The following MTRF1 variants were observed in gnomAD, a reference collection of about 807,000 sequenced individuals.
MTRF1 encodes peptide chain release factor 1, mitochondrial.
Under a neutral mutation model 62.9 loss-of-function variants are expected in MTRF1, and 51 were observed. The observed-to-expected ratio is 0.81, with a 90% CI of 0.65 to 1.02. MTRF1 has a LOEUF of 1.02. MTRF1 is among the 50% of genes least tolerant of loss of function. The pLI, the probability that MTRF1 is intolerant of heterozygous loss-of-function variation, is 0.00. For synonymous variants in MTRF1, 158 were observed against 181.9 expected, an observed-to-expected ratio of 0.87 and a Z score of 1.06; for missense variants, 446 against 530.0, an observed-to-expected ratio of 0.84 and a Z score of 1.56.
At position 41,240,202 on chromosome 13, in the gene MTRF1, C is replaced by T; in HGVS notation, c.870+59G>A. The stretch of plus-strand genomic sequence containing the variant: ...GGACAGATTTTCCTAGAAGCTAAGG[C>T]TTCCAGCACAATACCCGTTGACATG... On this transcript the variant is annotated intron_variant, in intron 6 of 9. Coordinates refer to ENST00000379480, the MANE Select transcript of MTRF1 (RefSeq NM_004294.4). 3.4e-6 allele frequency: 5 copies of T among 1,458,268 alleles called. No homozygotes were observed. In the South Asian group the frequency reaches 7.0e-5, roughly 21 times the overall value. 90.3% of individuals were successfully genotyped at this position (1,458,268 alleles called of 1,614,324 possible). A position where few individuals can be genotyped will look rare whatever the true frequency, so the allele number is the denominator to read the frequency against.
the MTRF1 span, among the ~76,000 whole-genome samples, chr13:41,284,989 G>T: frequency 2.0e-5 from 3 of 152,266 alleles, no homozygotes; most frequent in Admixed American, 2.0e-4. Context: ...CCTTGAGGAG[G>T]TATTATGATT....
upstream of MTRF1, among the ~76,000 whole-genome samples, chr13:41,265,172 T>C (rs1481850695): frequency 6.6e-6 from 1 of 152,156 alleles, no homozygotes. Flanking sequence ...CCTGTAATCC[T>C]AGCACTTTGG....
chr13:41,226,602 A>G (rs1230265693), intron 7 of MTRF1, 34 bp from the exon 8 acceptor site: 1 of 1,609,356 alleles, frequency 6.2e-7, no homozygotes, highest in East Asian at 2.2e-5. Context: ...GGTAAACTGT[A>G]GCTTCCACCA....
At chr13:41,280,382 A>G in the MTRF1 span, among the ~76,000 whole-genome samples, 8 of 152,118 alleles carry the variant, frequency 5.3e-5, no homozygotes, top group Non-Finnish European at 1.2e-4. Flanking sequence ...TCTGAACCAA[A>G]CCAGTGTATT....
chr13:41,285,613 A>G, the MTRF1 span, among the ~76,000 whole-genome samples: 1 of 152,214 alleles, frequency 6.6e-6, no homozygotes, highest in Non-Finnish European at 1.5e-5. Flanking sequence ...TAGGAGGTAC[A>G]AAGACTCTTT....
the MTRF1 span, among the ~76,000 whole-genome samples, chr13:41,278,775 A>G: frequency 8.5e-5 from 13 of 152,174 alleles, no homozygotes; most frequent in African/African-American, 2.7e-4. Context: ...ATATAGCTAC[A>G]TTGACTCTTA....
chr13:41,261,206 C>T (rs552947453), intron 1 of MTRF1: 6 of 218,276 alleles, frequency 2.7e-5, no homozygotes, highest in South Asian at 2.5e-4. Flanking sequence ...TGGTGGCAGG[C>T]GCCTGTAATC....
Position 41,252,984 on chromosome 13 carries a change from A to C in MTRF1, c.554T>G (p.Val185Gly), listed in dbSNP as rs1230411340. 6.2e-7 allele frequency: 1 copy of C among 1,608,208 alleles called. No individual in the cohort carries two copies. The highest frequency in any genetic ancestry group is 8.5e-7 in the Non-Finnish European group (1 of 1,178,060). Residue 185 changes from valine (V) to glycine (G), a missense_variant, in exon 4 of 10, where the codon GTT (valine) becomes GGT (glycine). Val to Gly is a moderately radical substitution (Grantham distance 109). Transcript: ENST00000379480. ...CCTTCCAGCTGTCACCTCTAAAATA[A>C]CATCATTTTTGTCATATTTCTCCTT... ...VPKEKYDKND[V>G]ILEVTAGRTT... is the part of the protein sequence containing the mutation.
the MTRF1 span, among the ~76,000 whole-genome samples, chr13:41,278,878 A>T: frequency 6.6e-6 from 1 of 152,196 alleles, no homozygotes; most frequent in African/African-American, 2.4e-5. Context: ...AGCCTGAAAG[A>T]CTAGTTTCAG....
chr13:41,311,484 G>T, the MTRF1 span: 1 of 1,560,196 alleles, frequency 6.4e-7, no homozygotes, highest in South Asian at 1.2e-5. Flanking sequence ...GAGCGCCCGG[G>T]CACCTAGCCT....
At chr13:41,310,942 TAAAAG>T in the MTRF1 span, among the ~76,000 whole-genome samples, 10 of 152,336 alleles carry the variant, frequency 6.6e-5, no homozygotes, top group Admixed American at 4.6e-4. Context: ...CTTTTCTACT[TAAAAG>T]AAAATTCTCG....
chr13:41,263,606 T>A, upstream of MTRF1: 1 of 189,834 alleles, frequency 5.3e-6, no homozygotes, highest in East Asian at 1.5e-4. Flanking sequence ...TCTTCCGGGT[T>A]AACGCACGCT....
chr13:41,217,277 C>A, intron 9 of MTRF1, 49 bp from the exon 10 acceptor site: 2 of 1,057,204 alleles, frequency 1.9e-6, no homozygotes, highest in South Asian at 1.5e-5. Flanking sequence ...GAAATATAAG[C>A]AAAGACTTTA....
the MTRF1 span, among the ~76,000 whole-genome samples, chr13:41,280,346 C>T: frequency 6.6e-6 from 1 of 152,116 alleles, no homozygotes; most frequent in Non-Finnish European, 1.5e-5. Flanking sequence ...GCTTGGAAGC[C>T]CCCCGGCTTA....
At chr13:41,259,712 A>C (rs60707056) in intron 2 of MTRF1, among the ~76,000 whole-genome samples, 35 of 136,738 alleles carry the variant, frequency 2.6e-4, no homozygotes, top group African/African-American at 4.7e-4. Context: ...AAAAAAAAAA[A>C]AAAAAAAAAC....
In MTRF1 at chr13:41,217,029, T is replaced by TA. The variant is rs1191522778; in HGVS notation, c.*85dup. 1 of 677,362 alleles carries TA rather than the reference T, an allele frequency of 1.5e-6. No homozygotes were observed. The highest frequency in any genetic ancestry group is 1.8e-5 in the African/African-American group (1 of 54,470). The allele number at this position is 677,362 out of a possible 1,614,324, so 42.0% of individuals were successfully genotyped here. Reference sequence around the variant, plus strand: ...TGTTCTTAAAGCTGTAATTTACAAATATTCATAATGATTTCCAAGCTTCAG... The same window carrying TA: ...TGTTCTTAAAGCTGTAATTTACAAATAATTCATAATGATTTCCAAGCTTCAG... On this transcript the variant is annotated 3_prime_UTR_variant, in exon 10 of 10. Transcript: ENST00000379480.
the MTRF1 span, chr13:41,311,630 G>C: frequency 7.7e-6 from 12 of 1,551,608 alleles, no homozygotes; most frequent in African/African-American, 4.1e-5. Flanking sequence ...CCGGGTCCTC[G>C]GGCCTTAAGG....
chr13:41,235,678 G>C (rs1201032489), intron 6 of MTRF1: 1 of 152,752 alleles, frequency 6.5e-6, no homozygotes, highest in African/African-American at 2.4e-5. Context: ...AGATGCAAGG[G>C]AGGATTCTCC....
the MTRF1 span, among the ~76,000 whole-genome samples, chr13:41,302,010 A>C: frequency 1.3e-5 from 2 of 152,082 alleles, no homozygotes; most frequent in African/African-American, 4.8e-5. Context: ...AAATTCCAGA[A>C]GGAGTCTTTC....
Sources: gnomAD v4.1 joint callset for allele counts (sites outside exome capture counted in the v4.1 genomes callset) on GRCh38, gnomAD v4.1.1 for gene constraint, MANE v1.5 for transcripts, NCBI Gene and HGNC (gene_info 2026-07-23, HGNC 2026-07-21) for gene names.